SND1: variants seen among roughly 807,000 people sequenced by gnomAD.
SND1 encodes staphylococcal nuclease domain-containing protein 1.
SND1 carries 38 observed loss-of-function variants against 121.7 expected under a neutral mutation model. The observed-to-expected ratio is 0.31, with a 90% CI of 0.24 to 0.41. SND1 has a LOEUF of 0.41. Ranked by LOEUF, SND1 falls within the 10% of genes least tolerant of loss-of-function variation. The probability of loss-of-function intolerance (pLI) is 1.00; values close to 1 mark genes in which losing one functional copy is unlikely to be tolerated. For synonymous variants in SND1, 401 were observed against 447.4 expected, an observed-to-expected ratio of 0.90 and a Z score of 1.31; for missense variants, 868 against 1,184.6, an observed-to-expected ratio of 0.73 and a Z score of 3.92.
chr7:128,057,185 G>A (rs1396022326), intron 16 of SND1, among the ~76,000 whole-genome samples: 1 of 152,162 alleles, frequency 6.6e-6, no homozygotes, highest in South Asian at 2.1e-4. Flanking sequence ...AAGGAAAACC[G>A]CAGATAAGGG....
intron 10 of SND1, among the ~76,000 whole-genome samples, chr7:127,796,855 ATAAG>A (rs1173667642): frequency 6.7e-6 from 1 of 149,266 alleles, no homozygotes; most frequent in East Asian, 2.0e-4. Flanking sequence ...CCACAAAGTC[ATAAG>A]TAAGTCCAGA....
intron 10 of SND1, among the ~76,000 whole-genome samples, chr7:127,742,644 A>G (rs1796903299): frequency 6.6e-6 from 1 of 152,142 alleles, no homozygotes; most frequent in African/African-American, 2.4e-5. Flanking sequence ...AGTGCTCCAC[A>G]AAGAATGGCC....
chr7:127,906,357 G>C (rs1410709291), intron 14 of SND1, among the ~76,000 whole-genome samples: 3 of 152,104 alleles, frequency 2.0e-5, no homozygotes, highest in Non-Finnish European at 4.4e-5. Flanking sequence ...CCTGTTTTCT[G>C]TGTAGCTTAC....
At chr7:128,074,185 CCT>C (rs1793464508) in intron 16 of SND1, among the ~76,000 whole-genome samples, 1 of 152,196 alleles carries the variant, frequency 6.6e-6, no homozygotes, top group Non-Finnish European at 1.5e-5. Context: ...GGCACCAAGA[CCT>C]CTGCCTGCTT....
Position 128,029,807 on chromosome 7 carries a change from G to T in SND1, c.1779+38751G>T, listed in dbSNP as rs779966574. On this transcript the variant is annotated intron_variant, in intron 16 of 23. Coordinates refer to ENST00000354725, the MANE Select transcript of SND1 (RefSeq NM_014390.4). The surrounding 1 kb of genome is among the most constrained non-coding windows in gnomAD (Gnocchi z 4.2). ...TAAAGAGGTCATGGGGCAAAGAAGA[G>T]AGGTTATTGTGGGCCAAGTTGAGTT... 5 of 1,613,834 alleles carry T rather than the reference G, an allele frequency of 3.1e-6. No homozygotes were observed. The highest frequency in any genetic ancestry group is 1.7e-6 in the Non-Finnish European group (2 of 1,180,038).
chr7:127,852,220 C>T (rs1799177616), intron 12 of SND1, among the ~76,000 whole-genome samples: 1 of 151,436 alleles, frequency 6.6e-6, no homozygotes, highest in African/African-American at 2.4e-5. Flanking sequence ...TAATCCTGGG[C>T]GAGATGGCTC....
At chr7:127,741,181 A>G (rs1043564763) in intron 10 of SND1, among the ~76,000 whole-genome samples, 1 of 152,152 alleles carries the variant, frequency 6.6e-6, no homozygotes, top group African/African-American at 2.4e-5. Flanking sequence ...GATTTATGAA[A>G]CTTACCTGGG....
chr7:127,669,293 C>T (rs1043114989), intron 1 of SND1, among the ~76,000 whole-genome samples: 6 of 152,002 alleles, frequency 3.9e-5, no homozygotes, highest in African/African-American at 7.2e-5. Flanking sequence ...GCCTGGCCAG[C>T]GGTCCCCTTT....
rs879874752 is a variant in SND1 at position 127,672,612 on chromosome 7, C to CA, written c.79-13989dup. Among the ~76,000 whole-genome samples the CA allele has an allele frequency of 9.9e-3, 1,320 of 133,434 alleles. 16 individuals are homozygous for CA. The highest frequency in any genetic ancestry group is 0.029 in the African/African-American group (1,051 of 36,344). 87.5% of individuals were successfully genotyped at this position (133,434 alleles called of 152,430 possible). Reference sequence around the variant, plus strand: ...TGGGCGACAGAGCAAAACTCCATCTCAAAAAAAAAAAAGAAAGAAAAAGAA... The same window carrying CA: ...TGGGCGACAGAGCAAAACTCCATCTCAAAAAAAAAAAAAGAAAGAAAAAGAA... On this transcript the variant is annotated intron_variant, in intron 1 of 23. Transcript: ENST00000354725.
intron 12 of SND1, among the ~76,000 whole-genome samples, chr7:127,854,550 T>TTATA (rs902352445): frequency 3.0e-5 from 4 of 135,444 alleles, no homozygotes; most frequent in African/African-American, 1.2e-4. Context: ...ATTTATTTAT[T>TTATA]TATTTATTTA....
chr7:127,926,764 T>TGTTGTAGTA (rs1554443880), intron 14 of SND1, among the ~76,000 whole-genome samples: 130 of 150,330 alleles, frequency 8.6e-4, no homozygotes, highest in African/African-American at 2.7e-3. Context: ...TTGTTGTTGT[T>TGTTGTAGTA]GTACTTTTAG....
At chr7:127,888,195 T>C (rs1489626063) in intron 13 of SND1, among the ~76,000 whole-genome samples, 183 bp downstream of exon 13, 4 of 152,158 alleles carry the variant, frequency 2.6e-5, no homozygotes, top group African/African-American at 9.7e-5. Flanking sequence ...TAATTTTGTT[T>C]AAGTGCACTT....
intron 15 of SND1, among the ~76,000 whole-genome samples, chr7:127,976,363 C>T (rs530120302): frequency 6.6e-6 from 1 of 152,390 alleles, no homozygotes; most frequent in South Asian, 2.1e-4. Flanking sequence ...AAGTTAATAC[C>T]TCCTGCATGG....
Position 127,929,341 on chromosome 7 carries a change from G to GTGT in SND1, c.1669+14_1669+16dup. The stretch of plus-strand genomic sequence containing the variant: ...CTTCTTGCTTGCAGGTAAGTCTTAT[G>GTGT]TGTTACATGTTACTCTGAGCTCAGA... On this transcript the variant is annotated intron_variant, in intron 15 of 23. Transcript: ENST00000354725. The GTGT allele has an allele frequency of 6.2e-7, 1 of 1,613,762 alleles. No individual in the cohort carries two copies. Among genetic ancestry groups the GTGT allele is most frequent in the Non-Finnish European group, 8.5e-7 (1 of 1,179,720 alleles).
intron 15 of SND1, 38 bp from the exon 16 acceptor site, chr7:127,990,908 CA>C: frequency 1.4e-6 from 2 of 1,478,570 alleles, no homozygotes; most frequent in Non-Finnish European, 1.9e-6. Flanking sequence ...GCCTAGTGGG[CA>C]CCTTTTCATC....
chr7:127,837,033 G>C (rs1039263146), intron 11 of SND1, among the ~76,000 whole-genome samples: 2 of 152,138 alleles, frequency 1.3e-5, no homozygotes, highest in African/African-American at 4.8e-5. Context: ...TCAGATAATA[G>C]ATTTGAAAAA....
At chr7:127,929,513 AC>A (rs1373737969) in intron 15 of SND1, among the ~76,000 whole-genome samples, 184 bp downstream of exon 15, 1 of 152,038 alleles carries the variant, frequency 6.6e-6, no homozygotes, top group Non-Finnish European at 1.5e-5. Context: ...CCAGCACTGC[AC>A]CCCCTTTCTG....
chr7:127,831,205 G>C (rs3824001), intron 11 of SND1, among the ~76,000 whole-genome samples: 2 of 152,120 alleles, frequency 1.3e-5, no homozygotes, highest in African/African-American at 4.8e-5. Flanking sequence ...GCACAAGGGG[G>C]ATGGGGCACA....
chr7:127,956,421 C>G (rs1258522761), intron 15 of SND1, among the ~76,000 whole-genome samples: 1 of 152,180 alleles, frequency 6.6e-6, no homozygotes, highest in Non-Finnish European at 1.5e-5. Flanking sequence ...CTTGGAAAAT[C>G]AGATTAAATA....
Sources: allele counts gnomAD v4.1 joint callset (sites outside exome capture counted in the v4.1 genomes callset), GRCh38; gene constraint gnomAD v4.1.1; non-coding constraint Gnocchi (gnomAD v3.1); transcripts MANE v1.5; gene names NCBI Gene and HGNC (gene_info 2026-07-23, HGNC 2026-07-21).